The following EVL variants were observed in gnomAD, a reference collection of about 807,000 sequenced individuals.
EVL encodes ena/VASP-like protein.
In EVL, 21 loss-of-function variants were observed where a neutral mutation model predicts 59.6. That is an observed-to-expected ratio of 0.35 (90% CI 0.25 to 0.51). The LOEUF is 0.51. Among genes scored for constraint, EVL ranks in the 20% least tolerant of loss-of-function variants. EVL has a pLI of 0.97. For synonymous variants in EVL, 198 were observed against 203.5 expected (o/e 0.97, Z 0.23); for missense variants, 462 against 546.6 (o/e 0.85, Z 1.54).
chr14:100,023,837 T>C (rs1157283860), intron 1 of EVL, among the ~76,000 whole-genome samples: 1 of 152,196 alleles, frequency 6.6e-6, no homozygotes, highest in East Asian at 1.9e-4. Flanking sequence ...ATTTGCCTGT[T>C]TCTACACACC....
At chr14:100,061,885 A>G (rs534079152), upstream of EVL, among the ~76,000 whole-genome samples, 1 of 152,120 alleles carries the variant, frequency 6.6e-6, no homozygotes, top group African/African-American at 2.4e-5. Flanking sequence ...CATCCTTGTC[A>G]TCTTCACATT....
At chr14:100,023,434 TCTC>T (rs2140206089) in intron 1 of EVL, among the ~76,000 whole-genome samples, 1 of 149,140 alleles carries the variant, frequency 6.7e-6, no homozygotes, top group Non-Finnish European at 1.5e-5. Flanking sequence ...CTCCAGCAAT[TCTC>T]CTGTCTCAGC....
chr14:100,078,007 C>T (rs1468712314), intron 1 of EVL, among the ~76,000 whole-genome samples: 1 of 152,128 alleles, frequency 6.6e-6, no homozygotes, highest in African/African-American at 2.4e-5. Context: ...ATCTCCTGAC[C>T]TCGTGATCCG....
intron 1 of EVL, among the ~76,000 whole-genome samples, chr14:99,991,558 A>G (rs555656056): frequency 1.3e-5 from 2 of 152,346 alleles, no homozygotes; most frequent in Admixed American, 1.3e-4. Flanking sequence ...GAATTACTAT[A>G]TTTTGTAAAT....
chr14:100,017,712 G>A (rs1044369918), intron 1 of EVL, among the ~76,000 whole-genome samples: 5 of 152,160 alleles, frequency 3.3e-5, no homozygotes, highest in African/African-American at 4.8e-5. Flanking sequence ...TTATGATTCT[G>A]CCAAGAAGCT....
At chr14:99,981,701 A>G (rs2060807436) in intron 1 of EVL, among the ~76,000 whole-genome samples, 1 of 152,236 alleles carries the variant, frequency 6.6e-6, no homozygotes, top group South Asian at 2.1e-4. Context: ...ATAGTCTGTT[A>G]AGTATGCAGT....
At chr14:100,094,666 C>T (rs1022148695) in intron 2 of EVL, among the ~76,000 whole-genome samples, 14 of 152,090 alleles carry the variant, frequency 9.2e-5, no homozygotes, top group Non-Finnish European at 1.3e-4. Flanking sequence ...ATCACTTGAA[C>T]CTAGGAGGTG....
intron 1 of EVL, among the ~76,000 whole-genome samples, chr14:100,022,629 A>T (rs2061145514): frequency 6.6e-6 from 1 of 152,164 alleles, no homozygotes; most frequent in Non-Finnish European, 1.5e-5. Flanking sequence ...AGATGCATTT[A>T]CTTATTGGAC....
chr14:100,125,357 C>T (rs891274799), intron 4 of EVL, among the ~76,000 whole-genome samples: 2 of 152,190 alleles, frequency 1.3e-5, no homozygotes, highest in Admixed American at 6.5e-5. Flanking sequence ...AAGACTTACT[C>T]AGTGACGCAG....
upstream of EVL, among the ~76,000 whole-genome samples, chr14:100,062,504 A>G (rs1396528526): frequency 6.6e-6 from 1 of 152,182 alleles, no homozygotes; most frequent in Non-Finnish European, 1.5e-5. Context: ...TAGTTTACCC[A>G]CAAGAATACA....
intron 1 of EVL, among the ~76,000 whole-genome samples, chr14:100,048,935 G>A (rs1442086234): frequency 1.3e-5 from 2 of 152,188 alleles, no homozygotes; most frequent in Non-Finnish European, 2.9e-5. Flanking sequence ...CTGGGAATTG[G>A]TGGGGGCGGA....
chr14:100,101,623 A>C (rs1886229274), intron 3 of EVL, among the ~76,000 whole-genome samples: 1 of 152,240 alleles, frequency 6.6e-6, no homozygotes, highest in Non-Finnish European at 1.5e-5. Context: ...AGCCTGGGCA[A>C]CAAGAGTGAA....
At chr14:100,061,560 T>C (rs1014585651), upstream of EVL, among the ~76,000 whole-genome samples, 4 of 151,486 alleles carry the variant, frequency 2.6e-5, no homozygotes, top group African/African-American at 9.7e-5. Context: ...CTAAAGACTT[T>C]TATTTCTTCA....
rs1222563204 is a variant in EVL at position 100,108,275 on chromosome 14, T to C, written c.358+10617T>C. Among the ~76,000 whole-genome samples the C allele has an allele frequency of 1.3e-5, 2 of 152,154 alleles. No homozygotes were observed. Among genetic ancestry groups the C allele is most frequent in the African/African-American group, 4.8e-5 (2 of 41,426 alleles). ...GGAAGGTTGTTAAACCTCATAGCTC[T>C]TGGAGGTGGGGCTGAATTTTGCTTC... On this transcript the variant is annotated intron_variant, in intron 3 of 13. Transcript: ENST00000392920. The surrounding 1 kb of genome is among the most constrained non-coding windows in gnomAD (Gnocchi z 4.1).
At chr14:100,040,350 A>C (rs79664477) in intron 1 of EVL, among the ~76,000 whole-genome samples, 3,209 of 152,048 alleles carry the variant, frequency 0.021, 109 homozygotes, top group African/African-American at 0.074. Flanking sequence ...TCCTCTCCTC[A>C]GCTCAGATTA....
chr14:100,003,821 T>C (rs2060961468), intron 1 of EVL, among the ~76,000 whole-genome samples: 1 of 152,192 alleles, frequency 6.6e-6, no homozygotes, highest in South Asian at 2.1e-4. Context: ...AAATGTAAAA[T>C]CTGTTAGACC....
intron 1 of EVL, among the ~76,000 whole-genome samples, chr14:99,976,542 G>GT (rs376587141): frequency 2.0e-5 from 3 of 150,882 alleles, no homozygotes; most frequent in African/African-American, 7.3e-5. Flanking sequence ...TGTGCCTAGT[G>GT]TTTTTTTTAA....
chr14:100,139,608 CCT>C (rs1215582529), intron 11 of EVL: 5 of 152,334 alleles, frequency 3.3e-5, no homozygotes, highest in Non-Finnish European at 7.3e-5. Context: ...CTAGGCTTGG[CCT>C]CTTTCTTGAG....
intron 1 of EVL, among the ~76,000 whole-genome samples, chr14:100,047,116 C>CTTTTTTTTTTTTTTTTTTTTTTTT (rs1158933445): frequency 3.5e-5 from 1 of 28,456 alleles, no homozygotes; most frequent in Non-Finnish European, 1.0e-4. Context: ...AGATCTCTCT[C>CTTTTTTTTTTTTTTTTTTTTTTTT]TCTTTTTTTT....
Sources: gnomAD v4.1 joint callset for allele counts (sites outside exome capture counted in the v4.1 genomes callset) on GRCh38, gnomAD v4.1.1 for gene constraint, Gnocchi (gnomAD v3.1) non-coding constraint, MANE v1.5 for transcripts, NCBI Gene and HGNC (gene_info 2026-07-23, HGNC 2026-07-21) for gene names.